MRC2: variants seen among roughly 807,000 people sequenced by gnomAD.
MRC2 encodes C-type mannose receptor 2.
Under a neutral mutation model 206.2 loss-of-function variants are expected in MRC2, and 84 were observed. The ratio of observed to expected loss-of-function variants is 0.41; its 90% CI spans 0.34 to 0.49. The LOEUF (loss-of-function observed/expected upper bound fraction) is 0.49. Ranked by LOEUF, MRC2 falls within the 20% of genes least tolerant of loss-of-function variation. MRC2 has a pLI of 0.31. For missense variants in MRC2, 1,676 were observed against 2,001.5 expected (o/e 0.84, Z 3.10); for synonymous variants, 798 against 800.0 (o/e 1.00, Z 0.04).
At position 62,690,018 on chromosome 17, in the gene MRC2, G is replaced by A. The variant is rs370565060; in HGVS notation, c.3698G>A (p.Ser1233Asn). Reference sequence around the variant, plus strand: ...GTGGACGGGGCCTGGCGCACCACCAGCTGTGACACCAAGCTGCAGGGGGCT... The same window carrying A: ...GTGGACGGGGCCTGGCGCACCACCAACTGTGACACCAAGCTGCAGGGGGCT... ...VDVDGAWRTTSCDTKLQGAVC... is the reference protein window; with the variant it reads ...VDVDGAWRTTNCDTKLQGAVC... Residue 1233 changes from serine (S) to asparagine (N), a missense_variant, in exon 25 of 30, where the codon AGC becomes AAC. Transcript: ENST00000303375. 27 of 1,610,852 alleles carry A rather than the reference G, an allele frequency of 1.7e-5. No homozygotes were observed. The African/African-American group carries it at 3.3e-4, about 20-fold the overall frequency.
chr17:62,662,603 G>C (rs907439930), intron 1 of MRC2, among the ~76,000 whole-genome samples: 4 of 152,054 alleles, frequency 2.6e-5, no homozygotes, highest in Non-Finnish European at 5.9e-5. Flanking sequence ...ATATTCAGTG[G>C]CAGACCTAGA....
In MRC2 at chr17:62,672,017, C is replaced by T. The variant is rs754532216; in HGVS notation, c.1326C>T (p.Ile442=). ...QIKQEVEELW[I]GLNDLKLQMN... is the part of the protein sequence containing the mutation. ...CCCCAGAGGTGGAGGAGCTGTGGAT[C>T]GGCCTCAACGATTTGAAACTGCAGA... The change falls in exon 8 of 30, where the codon ATC becomes ATT. Residue 442 remains isoleucine, a synonymous_variant. Transcript: ENST00000303375. The surrounding 1 kb of genome is among the most constrained non-coding windows in gnomAD (Gnocchi z 4.5). The T allele has an allele frequency of 5.0e-6, 8 of 1,614,022 alleles. No individual in the cohort carries two copies. Among genetic ancestry groups the T allele is most frequent in the South Asian group, 4.4e-5 (4 of 91,074 alleles).
rs1247319359 is a variant in MRC2, at chr17:62,627,823, C to T, written c.21C>T (p.Ala7=). The T allele has an allele frequency of 6.9e-7, 1 of 1,452,832 alleles. No individual in the cohort carries two copies. Among genetic ancestry groups the T allele is most frequent in the Admixed American group, 2.7e-5 (1 of 37,144 alleles). 90.0% of individuals were successfully genotyped at this position (1,452,832 alleles called of 1,614,324 possible). A position where few individuals can be genotyped will look rare whatever the true frequency, so the allele number is the denominator to read the frequency against. The change falls in exon 1 of 30, where the codon GCC becomes GCT. Residue 7 remains alanine, a synonymous_variant. Coordinates refer to ENST00000303375, the MANE Select transcript of MRC2 (RefSeq NM_006039.5). The stretch of plus-strand genomic sequence containing the variant: ...CGGGGATGGGGCCCGGCCGGCCGGC[C>T]CCCGCGCCCTGGCCTCGTCACCTGC... MGPGRP[A]PAPWPRHLLR...
chr17:62,678,161 T>G (rs2088917733), intron 12 of MRC2, among the ~76,000 whole-genome samples: 1 of 152,162 alleles, frequency 6.6e-6, no homozygotes, highest in South Asian at 2.1e-4. Context: ...TCACGCTAGG[T>G]TTGGGAGCCA....
intron 1 of MRC2, among the ~76,000 whole-genome samples, chr17:62,650,255 A>G (rs1598973477): frequency 6.6e-6 from 1 of 152,338 alleles, no homozygotes; most frequent in Non-Finnish European, 1.5e-5. Flanking sequence ...AAACAAGGGT[A>G]CAAGCATGAT....
rs1227428026 is a variant in MRC2, at chr17:62,643,315, G to A, written c.118+15395G>A. ...TGCACTCCAGCCTGGGTGACAAAGA[G>A]TGAAACTCCGTCAAAAAAAAAAAAA... On this transcript the variant is annotated intron_variant, in intron 1 of 29. Coordinates refer to ENST00000303375, the MANE Select transcript of MRC2 (RefSeq NM_006039.5). Among the ~76,000 whole-genome samples, 3 of 123,398 alleles carry A rather than the reference G, an allele frequency of 2.4e-5. No individual in the cohort carries two copies. In the Admixed American group the frequency reaches 2.6e-4, roughly 11 times the overall value. 81.0% of individuals were successfully genotyped at this position (123,398 alleles called of 152,430 possible).
chr17:62,680,443 C>T lies in MRC2; in HGVS notation c.2463C>T (p.Asp821=). The change falls in exon 16 of 30, where the codon GAC becomes GAT. Residue 821 remains aspartate (D), a synonymous_variant. Coordinates refer to ENST00000303375, the MANE Select transcript of MRC2 (RefSeq NM_006039.5). The surrounding 1 kb of genome is among the most constrained non-coding windows in gnomAD (Gnocchi z 4.8). ...PRGTDVREPD[D]SPQGRREWLR... is the part of the protein sequence containing the mutation. ...GTACGGACGTGCGGGAGCCCGACGACAGCCCTCAAGGTGAGCACCCCCCAG... is the reference window on the plus strand; with the variant it reads ...GTACGGACGTGCGGGAGCCCGACGATAGCCCTCAAGGTGAGCACCCCCCAG... 3 of 1,614,094 alleles carry T rather than the reference C, an allele frequency of 1.9e-6. No homozygotes were observed. In the African/African-American group the frequency reaches 4.0e-5, roughly 22 times the overall value.
Position 62,666,188 on chromosome 17 carries a change from C to T in MRC2, c.615C>T (p.Gly205=), listed in dbSNP as rs1182984116. The change falls in exon 3 of 30, where the codon GGC becomes GGT. Residue 205 remains glycine (G), a synonymous_variant. Coordinates refer to ENST00000303375, the MANE Select transcript of MRC2 (RefSeq NM_006039.5). The surrounding 1 kb of genome is among the most constrained non-coding windows in gnomAD (Gnocchi z 5.0). The stretch of plus-strand genomic sequence containing the variant: ...GGTTCCACGGCTGCACCAGCACGGG[C>T]CGCGAGGATGGTCACCTGTGGTGTG... ...NQWFHGCTST[G]REDGHLWCAT... 9 of 1,603,620 alleles carry T rather than the reference C, an allele frequency of 5.6e-6. No homozygotes were observed. The South Asian group carries it at 9.0e-5, about 16-fold the overall frequency.
chr17:62,637,622 A>G (rs962250880), intron 1 of MRC2, among the ~76,000 whole-genome samples: 5 of 151,492 alleles, frequency 3.3e-5, no homozygotes, highest in Admixed American at 6.6e-5. Context: ...TACCGTTCCC[A>G]TAGCTCCCAG....
chr17:62,644,651 T>A (rs2088453400), intron 1 of MRC2, among the ~76,000 whole-genome samples: 1 of 152,196 alleles, frequency 6.6e-6, no homozygotes, highest in East Asian at 1.9e-4. Context: ...TGTGTCCTGT[T>A]CCCAGTACCG....
chr17:62,653,515 G>A (rs2088582890), intron 1 of MRC2, among the ~76,000 whole-genome samples: 1 of 152,164 alleles, frequency 6.6e-6, no homozygotes, highest in Non-Finnish European at 1.5e-5. Flanking sequence ...GTGATTTAAT[G>A]TCTTCCTAGA....
intron 20 of MRC2, chr17:62,683,791 G>C (rs1043459334): frequency 6.6e-6 from 1 of 151,790 alleles, no homozygotes; most frequent in Non-Finnish European, 1.5e-5. Context: ...CCTGAACCCA[G>C]GAGGTAGAGG....
chr17:62,667,640 A>C lies in MRC2; in HGVS notation c.1117+107A>C. The C allele has an allele frequency of 1.6e-6, 2 of 1,258,118 alleles. No homozygotes were observed. The highest frequency in any genetic ancestry group is 6.1e-5 in the Admixed American group (2 of 32,752). The allele number at this position is 1,258,118 out of a possible 1,614,324, so 77.9% of individuals were successfully genotyped here. On this transcript the variant is annotated intron_variant, in intron 6 of 29. Transcript: ENST00000303375. The surrounding 1 kb of genome is among the most constrained non-coding windows in gnomAD (Gnocchi z 4.1). ...TCTCCTCCGGTTACCACCACAGCAC[A>C]AGGGGACTCTGGATCCTCTGACTCT...
At chr17:62,690,482 C>T (rs2089093851) in intron 26 of MRC2, among the ~76,000 whole-genome samples, 160 bp from the exon 27 acceptor site, 1 of 142,772 alleles carries the variant, frequency 7.0e-6, no homozygotes, top group Admixed American at 6.7e-5. Flanking sequence ...CATATGCTGC[C>T]CCCCCACACA....
chr17:62,628,578 T>C (rs1006240898), intron 1 of MRC2, among the ~76,000 whole-genome samples: 2 of 152,124 alleles, frequency 1.3e-5, no homozygotes, highest in African/African-American at 4.8e-5. Context: ...TGATGTTGCG[T>C]AGCGTGGGCA....
At chr17:62,659,878 T>C (rs1033372432) in intron 1 of MRC2, among the ~76,000 whole-genome samples, 1 of 152,236 alleles carries the variant, frequency 6.6e-6, no homozygotes, top group African/African-American at 2.4e-5. Context: ...TGTTTGTGAT[T>C]ATTATCTAGG....
intron 1 of MRC2, among the ~76,000 whole-genome samples, chr17:62,653,092 G>A (rs2088576846): frequency 6.6e-6 from 1 of 152,156 alleles, no homozygotes; most frequent in African/African-American, 2.4e-5. Context: ...AAGAGCCAGT[G>A]GGAGGAAAGG....
intron 1 of MRC2, among the ~76,000 whole-genome samples, chr17:62,650,627 C>T (rs1011402918): frequency 1.3e-5 from 2 of 152,206 alleles, no homozygotes; most frequent in Non-Finnish European, 2.9e-5. Context: ...TCAGTTTCCT[C>T]ATCTGTCAAG....
intron 9 of MRC2, 150 bp downstream of exon 9, chr17:62,674,320 T>C: frequency 1.6e-6 from 1 of 611,714 alleles, no homozygotes; most frequent in South Asian, 2.0e-5. Flanking sequence ...GCTCCTTTAT[T>C]GAAGGAGTGA....
Sources: allele counts gnomAD v4.1 joint callset (sites outside exome capture counted in the v4.1 genomes callset), GRCh38; gene constraint gnomAD v4.1.1; non-coding constraint Gnocchi (gnomAD v3.1); transcripts MANE v1.5; gene names NCBI Gene and HGNC (gene_info 2026-07-23, HGNC 2026-07-21).